Variants in NCAPG observed in about 807,000 individuals in gnomAD.
The protein encoded by NCAPG is condensin complex subunit 3.
Under a neutral mutation model 113.1 loss-of-function variants are expected in NCAPG, and 69 were observed. That is an observed-to-expected ratio of 0.61 (90% CI 0.50 to 0.75). NCAPG has a LOEUF of 0.75. Ranked by LOEUF, NCAPG falls within the 30% of genes least tolerant of loss-of-function variation. The pLI is 0.00. For missense variants in NCAPG, 1,058 were observed against 1,177.0 expected (o/e 0.90, Z 1.48); for synonymous variants, 370 against 415.8 (o/e 0.89, Z 1.34).
intron 7 of NCAPG, among the ~76,000 whole-genome samples, chr4:17,818,584 T>A (rs578131837): frequency 4.9e-4 from 74 of 152,314 alleles, no homozygotes; most frequent in Non-Finnish European, 6.0e-4. Flanking sequence ...TAAGAAATTT[T>A]AAAAAATGAT....
intron 13 of NCAPG, among the ~76,000 whole-genome samples, chr4:17,833,634 A>T (rs1025373094): frequency 1.7e-4 from 25 of 151,480 alleles, no homozygotes; most frequent in South Asian, 4.1e-4. Flanking sequence ...ATATATATAT[A>T]TTTTTTGTAA....
Position 17,817,504 on chromosome 4 carries a change from T to C in NCAPG, c.968+51T>C, listed in dbSNP as rs186296429. On this transcript the variant is annotated intron_variant, in intron 6 of 20. Transcript: ENST00000251496. ...ATGTAGTACTGATTAACTTGTGCAA[T>C]TAATTTGTTTTTTTTCCTCCCCATA... 5.4e-5 allele frequency: 80 copies of C among 1,485,568 alleles called. 1 individual carries two copies. The Admixed American group carries it at 1.5e-3, about 27-fold the overall frequency. 92.0% of individuals were successfully genotyped at this position (1,485,568 alleles called of 1,614,324 possible). A position where few individuals can be genotyped will look rare whatever the true frequency, so the allele number is the denominator to read the frequency against.
chr4:17,820,278 C>T (rs1420335494), intron 7 of NCAPG, among the ~76,000 whole-genome samples: 1 of 152,042 alleles, frequency 6.6e-6, no homozygotes, highest in Non-Finnish European at 1.5e-5. Context: ...TAACTTTAAC[C>T]TCTTCGACTT....
intron 5 of NCAPG, among the ~76,000 whole-genome samples, chr4:17,816,877 G>A (rs1721231531): frequency 1.3e-5 from 2 of 152,088 alleles, no homozygotes. Context: ...GCTCACACCT[G>A]TAATCTCAGC....
intron 2 of NCAPG, 104 bp downstream of exon 2, chr4:17,812,528 T>A: frequency 1.3e-6 from 1 of 786,142 alleles, no homozygotes; most frequent in Non-Finnish European, 2.1e-6. Flanking sequence ...ATCTAGTGAT[T>A]GAAAAAACCT....
At chr4:17,821,063 G>T (rs1721437829) in intron 7 of NCAPG, among the ~76,000 whole-genome samples, 1 of 152,026 alleles carries the variant, frequency 6.6e-6, no homozygotes, top group South Asian at 2.1e-4. Flanking sequence ...GTTTTAAGTT[G>T]TATTTATGCA....
intron 14 of NCAPG, among the ~76,000 whole-genome samples, chr4:17,836,608 T>G (rs759247119): frequency 5.9e-5 from 9 of 152,194 alleles, no homozygotes; most frequent in Non-Finnish European, 1.3e-4. Flanking sequence ...TTAATATTTG[T>G]ATATGGTCTA....
At chr4:17,834,546 G>A in intron 14 of NCAPG, 23 bp downstream of exon 14, 1 of 1,407,492 alleles carries the variant, frequency 7.1e-7, no homozygotes, top group Non-Finnish European at 9.5e-7. Flanking sequence ...CCAGTCCTGT[G>A]ATTATGAAAT....
intron 11 of NCAPG, among the ~76,000 whole-genome samples, chr4:17,826,253 T>C (rs1328940597): frequency 6.6e-6 from 1 of 152,150 alleles, no homozygotes; most frequent in Admixed American, 6.5e-5. Context: ...ATATTAACTT[T>C]AATTTCTTTT....
intron 7 of NCAPG, among the ~76,000 whole-genome samples, chr4:17,822,335 A>C (rs968786066): frequency 6.6e-6 from 1 of 151,816 alleles, no homozygotes; most frequent in African/African-American, 2.4e-5. Flanking sequence ...CTGGGATTAC[A>C]GTAGCCACCA....
intron 19 of NCAPG, 54 bp downstream of exon 19, chr4:17,840,747 A>G (rs764035873): frequency 6.6e-5 from 77 of 1,170,924 alleles, no homozygotes; most frequent in South Asian, 8.4e-5. Flanking sequence ...TTATCTTCCA[A>G]TGAAAAATAC....
intron 7 of NCAPG, among the ~76,000 whole-genome samples, chr4:17,819,411 T>A (rs548938290): frequency 2.6e-5 from 4 of 152,230 alleles, no homozygotes; most frequent in South Asian, 2.1e-4. Flanking sequence ...TGGTTTATTT[T>A]TTTTTTTTTG....
At chr4:17,839,450 C>T (rs1415208638) in intron 16 of NCAPG, among the ~76,000 whole-genome samples, 1 of 152,142 alleles carries the variant, frequency 6.6e-6, no homozygotes, top group Admixed American at 6.5e-5. Flanking sequence ...ATGAGTGCAT[C>T]TTTCCTAAAG....
In NCAPG at chr4:17,814,891, G is replaced by GT; in HGVS notation, c.585dup (p.Arg196Ter). On this transcript the variant is annotated frameshift_variant, in exon 4 of 21. Coordinates refer to ENST00000251496, the MANE Select transcript of NCAPG (RefSeq NM_022346.5). LOFTEE classifies it high-confidence loss of function. ...GATTGAAAATGATTCAAATCCAGAA[G>GT]TTAGACGGGCAGTGTTATCATGTAT... 1 of 1,614,188 alleles carries GT rather than the reference G, an allele frequency of 6.2e-7. No homozygotes were observed. Among genetic ancestry groups the GT allele is most frequent in the Non-Finnish European group, 8.5e-7 (1 of 1,180,026 alleles).
rs1722749703 is a variant in NCAPG, at chr4:17,844,647, T to C, written c.*1222T>C. On this transcript the variant is annotated 3_prime_UTR_variant, in exon 21 of 21. Transcript: ENST00000251496. ...GTGTTCTCCTGTGCTTCAGATTCCT[T>C]ATGTGTTGTTGTTTTAAAGACAATT... is the stretch of plus-strand genomic sequence containing the variant. 6.7e-6 allele frequency: 1 copy of C among 150,186 alleles called. No individual in the cohort carries two copies. The highest frequency in any genetic ancestry group is 6.6e-5 in the Admixed American group (1 of 15,220). 9.3% of individuals were successfully genotyped at this position (150,186 alleles called of 1,614,324 possible).
chr4:17,840,745 C>T (rs1245818607), intron 19 of NCAPG, 52 bp downstream of exon 19: 10 of 1,184,108 alleles, frequency 8.4e-6, no homozygotes, highest in Non-Finnish European at 1.1e-5. Flanking sequence ...TTTTATCTTC[C>T]AATGAAAAAT....
In NCAPG at chr4:17,840,687, AAC is replaced by A. The variant is rs1722325018; in HGVS notation, c.2850_2851del (p.Asn950LysfsTer11). On this transcript the variant is annotated frameshift_variant, in exon 19 of 21. Transcript: ENST00000251496. LOFTEE classifies it high-confidence loss of function. ...QASKSTQLKT[N>X]RGQRKVTVSA... ...ATCAAAGTCTACTCAGCTAAAGACT[AAC>A]AGAGGTAGTGTGTGGATTGACCATC... 1 of 1,534,834 alleles carries A rather than the reference AAC, an allele frequency of 6.5e-7. No individual in the cohort carries two copies. Among genetic ancestry groups the A allele is most frequent in the African/African-American group, 1.4e-5 (1 of 71,202 alleles).
chr4:17,833,956 A>C (rs1721979578), intron 13 of NCAPG, among the ~76,000 whole-genome samples: 1 of 152,228 alleles, frequency 6.6e-6, no homozygotes, highest in Non-Finnish European at 1.5e-5. Flanking sequence ...GATCTTAAAA[A>C]AATAAAATCA....
rs1223424497 is a variant in NCAPG, at chr4:17,811,769, T to A, written c.112-452T>A. 6.6e-6 allele frequency among the ~76,000 whole-genome samples: 1 copy of A among 152,244 alleles called. No homozygotes were observed. Among genetic ancestry groups the A allele is most frequent in the Non-Finnish European group, 1.5e-5 (1 of 68,050 alleles). On this transcript the variant is annotated intron_variant, in intron 1 of 20. Coordinates refer to ENST00000251496, the MANE Select transcript of NCAPG (RefSeq NM_022346.5). This position sits in a 1 kb window ranked among gnomAD's most constrained non-coding sequence, Gnocchi z 5.3. ...CAATTAATTTGGGGAAGATGAATTA[T>A]CTTGAGGTCCAAGAAAAATTGTGAG...
Sources: gnomAD v4.1 joint callset for allele counts (sites outside exome capture counted in the v4.1 genomes callset) on GRCh38, gnomAD v4.1.1 for gene constraint, Gnocchi (gnomAD v3.1) non-coding constraint, MANE v1.5 for transcripts, NCBI Gene and HGNC (gene_info 2026-07-23, HGNC 2026-07-21) for gene names.